The following TPRX1 variants were observed in gnomAD, a reference collection of about 807,000 sequenced individuals.
TPRX1 encodes tetra-peptide repeat homeobox protein 1.
In TPRX1, 2 loss-of-function variants were observed where a neutral mutation model predicts 8.1. That is an observed-to-expected ratio of 0.25 (90% CI 0.10 to 0.78). The LOEUF (loss-of-function observed/expected upper bound fraction) is 0.78. Ranked by LOEUF, TPRX1 falls within the 30% of genes least tolerant of loss-of-function variation. The pLI, the probability that TPRX1 is intolerant of heterozygous loss-of-function variation, is 0.70. For synonymous variants in TPRX1, 257 were observed against 254.1 expected (o/e 1.01, Z -0.11); for missense variants, 517 against 586.9 (o/e 0.88, Z 1.23).
rs1326536685 is a variant in TPRX1, at chr19:47,815,162, A to ATTT, written c.151+3303_151+3305dup. Among the ~76,000 whole-genome samples, 4 of 74,710 alleles carry ATTT rather than the reference A, an allele frequency of 5.4e-5. No homozygotes were observed. The Admixed American group carries it at 6.5e-4, about 12-fold the overall frequency. The allele number at this position is 74,710 out of a possible 152,430, so 49.0% of individuals were successfully genotyped here. On this transcript the variant is annotated intron_variant, in intron 2 of 3. Coordinates refer to ENST00000535759, the Ensembl canonical transcript of TPRX1. ...TATATATGCAAATATATATATATAT[A>ATTT]TTTTTTTTTTTTGAGACAGTCTTGC...
chr19:47,804,149 G>A (rs1392185339), intron 2 of TPRX1, among the ~76,000 whole-genome samples: 1 of 150,718 alleles, frequency 6.6e-6, no homozygotes, highest in Non-Finnish European at 1.5e-5. Flanking sequence ...TCCACTTCCT[G>A]GGCTCAAGGA....
At chr19:47,808,303 C>T (rs7255487) in intron 2 of TPRX1, among the ~76,000 whole-genome samples, 7,577 of 151,914 alleles carry the variant, frequency 0.05, 240 homozygotes, top group East Asian at 0.15. Context: ...TTAGTAGAGA[C>T]GGGGTTTCAC....
At chr19:47,804,724 G>T (rs1967719337) in intron 2 of TPRX1, among the ~76,000 whole-genome samples, 173 bp from the exon 1 acceptor site, 2 of 151,696 alleles carry the variant, frequency 1.3e-5, no homozygotes, top group South Asian at 2.1e-4. Context: ...ATCAGGTACT[G>T]CCTGCTGAGC....
chr19:47,815,163 T>TGCAAATATATATATATATATATATATA (rs201060804), intron 2 of TPRX1, among the ~76,000 whole-genome samples: 8 of 86,270 alleles, frequency 9.3e-5, no homozygotes, highest in African/African-American at 4.5e-4. Context: ...TATATATATA[T>TGCAAATATATATATATATATATATATA]TTTTTTTTTT....
At chr19:47,813,767 G>A (rs1032936452) in intron 2 of TPRX1, among the ~76,000 whole-genome samples, 14 of 152,076 alleles carry the variant, frequency 9.2e-5, no homozygotes, top group African/African-American at 3.1e-4. Context: ...CCCCCAAATC[G>A]GATCTAATTC....
intron 2 of TPRX1, among the ~76,000 whole-genome samples, chr19:47,810,254 CAAAAAAAAAA>C (rs767070353): frequency 9.3e-5 from 2 of 21,394 alleles, no homozygotes; most frequent in African/African-American, 1.7e-4. Context: ...GACTCCATCT[CAAAAAAAAAA>C]AAAAAAAAAA....
At chr19:47,802,080 C>T (rs756877753) in exon 4 of TPRX1, 5 of 1,596,630 alleles carry the variant, frequency 3.1e-6, no homozygotes, top group Non-Finnish European at 4.3e-6. Flanking sequence ...GAGCCTGGGC[C>T]TGAGCCTGGG....
Position 47,801,849 on chromosome 19 carries a change from C to A in TPRX1, c.1453G>T (p.Gly485Trp), listed in dbSNP as rs767377647. Reference sequence around the variant, plus strand: ...CCACCCTCCTCTTGGGGCTGAGACCCTGAGTGTTTTTTGCCCATAGAGTCA... The same window carrying A: ...CCACCCTCCTCTTGGGGCTGAGACCATGAGTGTTTTTTGCCCATAGAGTCA... The change falls in exon 4 of 4, where the codon GGG becomes TGG. Residue 485 changes from glycine to tryptophan, a missense_variant. By Grantham distance (184) the Gly-to-Trp change is radical. Around this residue, in one of 3 missense-constraint regions of TPRX1, gnomAD observed 506 missense variants for 515.5 expected, o/e 0.98. Transcript: ENST00000535759. 9 of 1,614,044 alleles carry A rather than the reference C, an allele frequency of 5.6e-6. No individual in the cohort carries two copies. The East Asian group carries it at 2.0e-4, about 36-fold the overall frequency.
chr19:47,811,067 G>A (rs962408293), intron 2 of TPRX1, among the ~76,000 whole-genome samples: 1 of 150,918 alleles, frequency 6.6e-6, no homozygotes, highest in African/African-American at 2.4e-5. Flanking sequence ...GCAGTGGAGT[G>A]ATCTCAGGTC....
chr19:47,817,120 A>C (rs1967851127), intron 2 of TPRX1, among the ~76,000 whole-genome samples: 2 of 152,112 alleles, frequency 1.3e-5, no homozygotes, highest in Admixed American at 6.6e-5. Context: ...TCTCACAGGT[A>C]AGGCCTGAAT....
intron 2 of TPRX1, among the ~76,000 whole-genome samples, chr19:47,815,110 T>C (rs1355326652): frequency 3.7e-5 from 1 of 27,228 alleles, no homozygotes; most frequent in African/African-American, 1.4e-4. Context: ...AATAAATAGA[T>C]AAATTATATA....
intron 2 of TPRX1, among the ~76,000 whole-genome samples, chr19:47,811,312 G>C (rs1046520725): frequency 6.6e-6 from 1 of 151,186 alleles, no homozygotes; most frequent in Non-Finnish European, 1.5e-5. Context: ...CCGGCCCTGA[G>C]TTTAATTTGA....
chr19:47,802,313 C>T, exon 4 of TPRX1: 1 of 1,496,126 alleles, frequency 6.7e-7, no homozygotes, highest in Non-Finnish European at 9.0e-7. Flanking sequence ...TGGGTTCGGG[C>T]CTGAGATTGG....
At chr19:47,802,956 T>G (rs1283946823) in exon 4 of TPRX1, 43 of 1,554,786 alleles carry the variant, frequency 2.8e-5, no homozygotes, top group Non-Finnish European at 3.6e-5. Flanking sequence ...CGAGCTAGTT[T>G]GGCGCGGCGA....
chr19:47,815,214 G>T (rs1339096908), intron 2 of TPRX1, among the ~76,000 whole-genome samples: 49 of 123,320 alleles, frequency 4.0e-4, no homozygotes, highest in African/African-American at 1.5e-3. Flanking sequence ...GAGTGCAGTG[G>T]TGTGAGTTCG....
At chr19:47,817,810 C>T (rs923117032) in intron 2 of TPRX1, among the ~76,000 whole-genome samples, 1 of 152,178 alleles carries the variant, frequency 6.6e-6, no homozygotes, top group Non-Finnish European at 1.5e-5. Flanking sequence ...AGGATTTAAA[C>T]CCAAACTCAT....
chr19:47,816,067 T>A (rs1046372161), intron 2 of TPRX1, among the ~76,000 whole-genome samples: 40 of 151,938 alleles, frequency 2.6e-4, no homozygotes, highest in African/African-American at 6.8e-4. Flanking sequence ...TTATTTATAT[T>A]TATATATATA....
At chr19:47,814,213 G>T (rs569082235) in intron 2 of TPRX1, among the ~76,000 whole-genome samples, 4 of 151,946 alleles carry the variant, frequency 2.6e-5, no homozygotes, top group Admixed American at 2.0e-4. Flanking sequence ...CCACCACTAC[G>T]CAGAGCATAT....
At chr19:47,816,859 C>G (rs1406359571) in intron 2 of TPRX1, among the ~76,000 whole-genome samples, 1 of 152,220 alleles carries the variant, frequency 6.6e-6, no homozygotes, top group Non-Finnish European at 1.5e-5. Context: ...TTGCATTTCC[C>G]TGATGATCAA....
Sources: gnomAD v4.1 joint callset for allele counts (sites outside exome capture counted in the v4.1 genomes callset) on GRCh38, gnomAD v4.1.1 for gene constraint, gnomAD v4.1.1 regional missense constraint, MANE v1.5 for transcripts, NCBI Gene and HGNC (gene_info 2026-07-23, HGNC 2026-07-21) for gene names.